RGS7: variants seen among roughly 807,000 people sequenced by gnomAD.
RGS7 encodes regulator of G protein signaling 7.
RGS7 carries 27 observed loss-of-function variants against 81.1 expected under a neutral mutation model. That is an observed-to-expected ratio of 0.33 (90% CI 0.25 to 0.46). The LOEUF (loss-of-function observed/expected upper bound fraction) is 0.46. Among genes scored for constraint, RGS7 ranks in the 20% least tolerant of loss-of-function variants. The probability of loss-of-function intolerance (pLI) is 1.00; values close to 1 mark genes in which losing one functional copy is unlikely to be tolerated. For synonymous variants in RGS7, 208 were observed against 207.7 expected (o/e 1.00, Z -0.01); for missense variants, 396 against 607.4 (o/e 0.65, Z 3.66).
intron 2 of RGS7, among the ~76,000 whole-genome samples, chr1:241,099,359 A>G (rs549815872): frequency 2.0e-5 from 3 of 152,186 alleles, no homozygotes; most frequent in African/African-American, 7.2e-5. Context: ...ATGTGCACAT[A>G]CACTCCACAC....
chr1:241,313,005 T>C (rs369784467), intron 2 of RGS7, among the ~76,000 whole-genome samples: 2 of 152,294 alleles, frequency 1.3e-5, no homozygotes, highest in East Asian at 1.9e-4. Context: ...GCCACAACAT[T>C]CTCATAAGCC....
intron 2 of RGS7, among the ~76,000 whole-genome samples, chr1:241,248,487 G>A (rs564118354): frequency 1.9e-3 from 293 of 150,780 alleles, no homozygotes; most frequent in African/African-American, 6.7e-3. Context: ...TGTAAGTATT[G>A]ATATGACTGT....
chr1:241,255,839 A>G (rs1339310965), intron 2 of RGS7, among the ~76,000 whole-genome samples: 2 of 152,242 alleles, frequency 1.3e-5, no homozygotes, highest in Non-Finnish European at 2.9e-5. Context: ...CTAAGTAAAC[A>G]TGCATTTCAA....
intron 3 of RGS7, among the ~76,000 whole-genome samples, chr1:241,035,532 G>A (rs583951): frequency 0.6 from 91,224 of 151,864 alleles, 28,405 homozygotes; most frequent in East Asian, 0.84. Context: ...ATCTCTCAGA[G>A]TGGCTGAGAA....
At position 241,205,957 on chromosome 1, in the gene RGS7, C is replaced by A. The variant is rs552849873; in HGVS notation, c.79-107195G>T. ...AGAACTGTGCAGTTTGTTACTGAAG[C>A]CAAAAATTTGGCAGTAATTTCTAGA... On this transcript the variant is annotated intron_variant, in intron 2 of 18. Transcript: ENST00000440928. 1.2e-4 allele frequency among the ~76,000 whole-genome samples: 18 copies of A among 151,578 alleles called. No individual in the cohort carries two copies. The South Asian group carries it at 3.5e-3, about 30-fold the overall frequency.
At chr1:241,128,059 A>G (rs1572809372) in intron 2 of RGS7, among the ~76,000 whole-genome samples, 1 of 152,004 alleles carries the variant, frequency 6.6e-6, no homozygotes, top group Non-Finnish European at 1.5e-5. Flanking sequence ...TGGGTGGATC[A>G]CGAGGTCAGG....
chr1:241,190,037 A>G (rs933888772), intron 2 of RGS7, among the ~76,000 whole-genome samples: 6 of 152,044 alleles, frequency 3.9e-5, no homozygotes, highest in Admixed American at 2.0e-4. Flanking sequence ...TGGGAGGCGG[A>G]GCTTGCAGTG....
At chr1:241,092,267 A>T (rs2063937198) in intron 3 of RGS7, among the ~76,000 whole-genome samples, 1 of 152,228 alleles carries the variant, frequency 6.6e-6, no homozygotes, top group South Asian at 2.1e-4. Flanking sequence ...AAATGAAGCA[A>T]CTATCTTACA....
At chr1:241,141,557 T>G (rs887600066) in intron 2 of RGS7, among the ~76,000 whole-genome samples, 1 of 152,116 alleles carries the variant, frequency 6.6e-6, no homozygotes, top group Admixed American at 6.5e-5. Flanking sequence ...ATCTTCCTCA[T>G]AGGGTGGCAG....
intron 4 of RGS7, among the ~76,000 whole-genome samples, chr1:240,960,405 A>T (rs1681223672): frequency 6.6e-6 from 1 of 150,390 alleles, no homozygotes; most frequent in South Asian, 2.1e-4. Context: ...CACCATGCCC[A>T]GCTAATTTTT....
intron 2 of RGS7, among the ~76,000 whole-genome samples, chr1:241,198,230 TAA>T (rs2073229188): frequency 6.6e-6 from 1 of 151,972 alleles, no homozygotes; most frequent in Non-Finnish European, 1.5e-5. Context: ...AATTTATATT[TAA>T]TATATACATG....
chr1:241,152,162 T>A (rs930021970), intron 2 of RGS7, among the ~76,000 whole-genome samples: 1 of 149,778 alleles, frequency 6.7e-6, no homozygotes, highest in Non-Finnish European at 1.5e-5. Flanking sequence ...AAAAGATCTT[T>A]GGGCAAGCCA....
intron 2 of RGS7, among the ~76,000 whole-genome samples, chr1:241,233,610 TACC>T (rs2075778734): frequency 6.6e-6 from 1 of 152,220 alleles, no homozygotes; most frequent in African/African-American, 2.4e-5. Flanking sequence ...TGTGTACATC[TACC>T]ACATTTTTCT....
At chr1:241,082,214 T>C (rs1300832556) in intron 3 of RGS7, among the ~76,000 whole-genome samples, 1 of 152,188 alleles carries the variant, frequency 6.6e-6, no homozygotes, top group African/African-American at 2.4e-5. Flanking sequence ...TGTAAGTCAA[T>C]GGAAGCTGTG....
intron 2 of RGS7, among the ~76,000 whole-genome samples, chr1:241,102,004 G>T (rs1164837669): frequency 6.6e-6 from 1 of 152,174 alleles, no homozygotes; most frequent in Non-Finnish European, 1.5e-5. Flanking sequence ...GACTTCTGTG[G>T]TTGTATTCCA....
At chr1:240,913,554 C>T (rs1016977114) in intron 6 of RGS7, among the ~76,000 whole-genome samples, 7 of 152,132 alleles carry the variant, frequency 4.6e-5, no homozygotes, top group Non-Finnish European at 8.8e-5. Flanking sequence ...TTCTCACTGT[C>T]GTATTAGGTA....
rs543417767 is a variant in RGS7 at position 241,184,252 on chromosome 1, T to C, written c.79-85490A>G. 2.6e-5 allele frequency among the ~76,000 whole-genome samples: 4 copies of C among 152,312 alleles called. No homozygotes were observed. In the East Asian group the frequency reaches 7.7e-4, roughly 29 times the overall value. On this transcript the variant is annotated intron_variant, in intron 2 of 18. Coordinates refer to ENST00000440928, the MANE Select transcript of RGS7 (RefSeq NM_001364886.1). ...GGGATCATGACTCCACAATTATTCA[T>C]TGAGCTCAAGAGCCAATAAAAACAT...
chr1:241,044,315 G>T (rs113764249), intron 3 of RGS7, among the ~76,000 whole-genome samples: 3 of 151,992 alleles, frequency 2.0e-5, no homozygotes, highest in Non-Finnish European at 2.9e-5. Context: ...TCACCAAATT[G>T]GCCAGGCTGG....
At chr1:241,338,687 T>C (rs1432006066) in intron 2 of RGS7, among the ~76,000 whole-genome samples, 1 of 147,124 alleles carries the variant, frequency 6.8e-6, no homozygotes, top group Non-Finnish European at 1.5e-5. Context: ...TTTTATGAAG[T>C]TGTTATAAGA....
Sources: allele counts gnomAD v4.1 joint callset (sites outside exome capture counted in the v4.1 genomes callset), GRCh38; gene constraint gnomAD v4.1.1; transcripts MANE v1.5; gene names NCBI Gene and HGNC (gene_info 2026-07-23, HGNC 2026-07-21).